Variants in TCTN1 observed in about 807,000 individuals in gnomAD.
The protein encoded by TCTN1 is tectonic family member 1.
TCTN1 carries 58 observed loss-of-function variants against 65.8 expected under a neutral mutation model. The observed-to-expected ratio is 0.88, with a 90% CI of 0.71 to 1.10. The LOEUF (loss-of-function observed/expected upper bound fraction) is 1.10, where lower values mean the gene tolerates loss of function less well. Among genes scored for constraint, TCTN1 ranks in the 50% least tolerant of loss-of-function variants. TCTN1 has a pLI of 0.00. For synonymous variants in TCTN1, 273 were observed against 289.1 expected (o/e 0.94, Z 0.57); for missense variants, 645 against 719.4 (o/e 0.90, Z 1.18).
In TCTN1 at chr12:110,646,861, T is replaced by C; in HGVS notation, c.1495-335T>C. 9.7e-6 allele frequency: 3 copies of C among 309,196 alleles called. No individual in the cohort carries two copies. In the South Asian group the frequency reaches 1.0e-4, roughly 10 times the overall value. The allele number at this position is 309,196 out of a possible 1,614,324, so 19.2% of individuals were successfully genotyped here. On this transcript the variant is annotated intron_variant, in intron 12 of 14. Transcript: ENST00000397659. ...CCACCAGTTTCTTTCCTGAAGTCTG[T>C]GAGGCCGCTATAAACAGGTAGATGA...
Position 110,644,968 on chromosome 12 carries a change from C to T in TCTN1, c.1333C>T (p.Leu445=). The part of the protein sequence containing the change: ...YTMQSGCKLR[L]TGALPCQLVA... ...TTGACTTCTTTTTCCTTCACCAAGACTGACTGGAGCTCTCCCGTGTCAGCT... is the reference window on the plus strand; with the variant it reads ...TTGACTTCTTTTTCCTTCACCAAGATTGACTGGAGCTCTCCCGTGTCAGCT... The change falls in exon 12 of 15, where the codon CTG becomes TTG. Residue 445 remains leucine (L), a splice_region_variant and synonymous_variant. Transcript: ENST00000397659. This position sits in a 1 kb window ranked among gnomAD's most constrained non-coding sequence, Gnocchi z 4.6. 6.2e-7 allele frequency: 1 copy of T among 1,614,252 alleles called. No homozygotes were observed. Among genetic ancestry groups the T allele is most frequent in the Non-Finnish European group, 8.5e-7 (1 of 1,180,048 alleles).
Position 110,632,504 on chromosome 12 carries a change from T to C in TCTN1, c.657T>C (p.Phe219=). ...TTCCTCTGCAGACTTCAGATTCGTT[T>C]CTGAGATTTCCTTCGTCCCTGACAT... is the stretch of plus-strand genomic sequence containing the variant. ...YGVPLQTSDS[F]LRFPSSLTSS... is the part of the protein sequence containing the mutation. The change falls in exon 5 of 15, where the codon TTT becomes TTC. Residue 219 remains phenylalanine (F), a synonymous_variant. Coordinates refer to ENST00000397659, the MANE Select transcript of TCTN1 (RefSeq NM_001082538.3). 6.2e-7 allele frequency: 1 copy of C among 1,614,116 alleles called. No homozygotes were observed. The highest frequency in any genetic ancestry group is 8.5e-7 in the Non-Finnish European group (1 of 1,179,970).
In TCTN1 at chr12:110,614,263, C is replaced by G; in HGVS notation, c.81C>G (p.Thr27=). The G allele has an allele frequency of 6.3e-7, 1 of 1,595,682 alleles. No individual in the cohort carries two copies. Among genetic ancestry groups the G allele is most frequent in the Non-Finnish European group, 8.5e-7 (1 of 1,171,872 alleles). Residue 27 remains threonine (T), a synonymous_variant, in exon 1 of 15, where the codon ACC becomes ACG. Transcript: ENST00000397659. The part of the protein sequence containing the change: ...WASVSAQTDA[T]PAVTTEGLNS... ...CCGTGAGCGCCCAGACCGATGCCAC[C>G]CCGGCGGTGACGACAGAGGGCCTCA...
At chr12:110,624,336 C>T (rs1294979406) in intron 2 of TCTN1, among the ~76,000 whole-genome samples, 1 of 151,666 alleles carries the variant, frequency 6.6e-6, no homozygotes, top group Admixed American at 6.6e-5. Context: ...ACCTCAGCCT[C>T]CCAAGTAGTT....
At chr12:110,631,022 A>G (rs2066195130) in intron 4 of TCTN1, among the ~76,000 whole-genome samples, 1 of 152,110 alleles carries the variant, frequency 6.6e-6, no homozygotes, top group African/African-American at 2.4e-5. Context: ...GCTGGAGTGC[A>G]GTGGTGTGAT....
intron 10 of TCTN1, 25 bp downstream of exon 10, chr12:110,641,652 G>A: frequency 2.5e-6 from 4 of 1,605,952 alleles, no homozygotes; most frequent in Non-Finnish European, 2.6e-6. Context: ...TCTGTAGAGG[G>A]TGGATTTATT....
At chr12:110,629,317 G>T in intron 4 of TCTN1, 1 of 218,258 alleles carries the variant, frequency 4.6e-6, no homozygotes, top group Non-Finnish European at 9.0e-6. Flanking sequence ...GTGACCTACA[G>T]AATGGGAAAA....
chr12:110,635,246 C>A (rs957700164), intron 6 of TCTN1, among the ~76,000 whole-genome samples: 2 of 152,152 alleles, frequency 1.3e-5, no homozygotes, highest in Non-Finnish European at 2.9e-5. Flanking sequence ...GGTGAAGGGG[C>A]CCCTTCTCTC....
intron 2 of TCTN1, 132 bp downstream of exon 2, chr12:110,620,088 T>TA (rs1251829615): frequency 7.3e-7 from 1 of 1,372,572 alleles, no homozygotes; most frequent in Non-Finnish European, 1.0e-6. Context: ...TCTGAAGCCA[T>TA]ACCGTCCAAA....
chr12:110,647,251 A>C lies in TCTN1; in HGVS notation c.1550A>C (p.Lys517Thr). The change falls in exon 13 of 15, where the codon AAG (lysine) becomes ACG (threonine). Residue 517 changes from lysine (K) to threonine (T), a missense_variant. Transcript: ENST00000397659. ...QLPGALVIEV[K>T]WTKYGSLLNP... ...CCAGGGGCTTTGGTTATAGAAGTGA[A>C]GTGGACTAAATACGGATCCCTGCTG... 1 of 1,614,200 alleles carries C rather than the reference A, an allele frequency of 6.2e-7. No homozygotes were observed. The highest frequency in any genetic ancestry group is 8.5e-7 in the Non-Finnish European group (1 of 1,180,036).
chr12:110,625,740 CAAAAA>C (rs2065788146), intron 2 of TCTN1: 6 of 140,232 alleles, frequency 4.3e-5, no homozygotes, highest in Admixed American at 4.3e-4. Context: ...GGCTACATCT[CAAAAA>C]AAAGGATTCA....
At chr12:110,647,118 G>A (rs1392846434) in intron 12 of TCTN1, 78 bp from the exon 13 acceptor site, 1 of 1,558,764 alleles carries the variant, frequency 6.4e-7, no homozygotes, top group African/African-American at 1.4e-5. Flanking sequence ...TGTAATATGT[G>A]AAACCTTTTA....
At chr12:110,620,789 AT>A (rs568281545) in intron 2 of TCTN1, among the ~76,000 whole-genome samples, 134 of 151,384 alleles carry the variant, frequency 8.9e-4, no homozygotes, top group African/African-American at 3.0e-3. Flanking sequence ...ATGATCTCTT[AT>A]AATTGAGGTT....
intron 10 of TCTN1, 28 bp downstream of exon 10, chr12:110,641,655 G>T: frequency 6.3e-7 from 1 of 1,596,326 alleles, no homozygotes; most frequent in South Asian, 1.1e-5. Flanking sequence ...GTAGAGGGTG[G>T]ATTTATTTCT....
chr12:110,615,151 C>T (rs536513265), intron 1 of TCTN1, among the ~76,000 whole-genome samples: 2 of 151,910 alleles, frequency 1.3e-5, no homozygotes, highest in Non-Finnish European at 2.9e-5. Context: ...AATAGCCGGG[C>T]ATGGTGTAAT....
chr12:110,646,395 GC>G (rs1272079489), intron 12 of TCTN1: 1 of 151,964 alleles, frequency 6.6e-6, no homozygotes, highest in Non-Finnish European at 1.5e-5. Flanking sequence ...GTATTTTAAA[GC>G]TTTTTTTTTT....
Position 110,632,574 on chromosome 12 carries a change from ATTC to A in TCTN1, c.712+21_712+23del, listed in dbSNP as rs2066305287. On this transcript the variant is annotated intron_variant, in intron 5 of 14. Coordinates refer to ENST00000397659, the MANE Select transcript of TCTN1 (RefSeq NM_001082538.3). ...TAACCCTGCAGGTAAGAAAGTGGTCATTCTTCTTTCCTTAGACATTTGCTGTTA... is the reference window on the plus strand; with the variant it reads ...TAACCCTGCAGGTAAGAAAGTGGTCATTCTTTCCTTAGACATTTGCTGTTA... The A allele has an allele frequency of 6.2e-7, 1 of 1,611,896 alleles. No individual in the cohort carries two copies. The highest frequency in any genetic ancestry group is 8.5e-7 in the Non-Finnish European group (1 of 1,178,176).
At chr12:110,617,548 A>G (rs796551598) in intron 1 of TCTN1, among the ~76,000 whole-genome samples, 5 of 151,798 alleles carry the variant, frequency 3.3e-5, no homozygotes, top group African/African-American at 1.2e-4. Flanking sequence ...GCTGGTCTCA[A>G]ACTCCTAACC....
chr12:110,629,161 A>G lies in TCTN1; in HGVS notation c.624+243A>G, dbSNP rs1004786127. 3.3e-5 allele frequency: 20 copies of G among 600,224 alleles called. No individual in the cohort carries two copies. In the Admixed American group the frequency reaches 4.4e-4, roughly 13 times the overall value. The allele number at this position is 600,224 out of a possible 1,614,324, so 37.2% of individuals were successfully genotyped here. ...CAAACCCTAGAAGAAAACCCAGGCA[A>G]TACCATTCAGGACATAGACATGGGC... is the stretch of plus-strand genomic sequence containing the variant. On this transcript the variant is annotated intron_variant, in intron 4 of 14. Transcript: ENST00000397659.
Sources: gnomAD v4.1 joint callset for allele counts (sites outside exome capture counted in the v4.1 genomes callset) on GRCh38, gnomAD v4.1.1 for gene constraint, Gnocchi (gnomAD v3.1) non-coding constraint, MANE v1.5 for transcripts, NCBI Gene and HGNC (gene_info 2026-07-23, HGNC 2026-07-21) for gene names.